The following IRF2 variants were observed in gnomAD, a reference collection of about 807,000 sequenced individuals.
IRF2 encodes the protein interferon regulatory factor 2.
Under a neutral mutation model 40.6 loss-of-function variants are expected in IRF2, and 15 were observed. The ratio of observed to expected loss-of-function variants is 0.37; its 90% CI spans 0.25 to 0.57. The LOEUF (loss-of-function observed/expected upper bound fraction) is 0.57. Among genes scored for constraint, IRF2 ranks in the 20% least tolerant of loss-of-function variants. The pLI is 0.77. For synonymous variants in IRF2, 151 were observed against 165.5 expected (o/e 0.91, Z 0.67); for missense variants, 317 against 455.7 (o/e 0.70, Z 2.77).
In IRF2 at chr4:184,413,209, C is replaced by T. The variant is rs999173736; in HGVS notation, c.412-4934G>A. On this transcript the variant is annotated intron_variant, in intron 5 of 8. Transcript: ENST00000393593. The surrounding 1 kb of genome is among the most constrained non-coding windows in gnomAD (Gnocchi z 4.2). ...TCCTGCCTCCCACTCCTTCCCATCCCGGTGAGAAAGGCCTCCCTTACATAT... is the reference window on the plus strand; with the variant it reads ...TCCTGCCTCCCACTCCTTCCCATCCTGGTGAGAAAGGCCTCCCTTACATAT... 6.6e-6 allele frequency among the ~76,000 whole-genome samples: 1 copy of T among 152,194 alleles called. No individual in the cohort carries two copies. Among genetic ancestry groups the T allele is most frequent in the African/African-American group, 2.4e-5 (1 of 41,452 alleles).
intron 1 of IRF2, among the ~76,000 whole-genome samples, chr4:184,473,543 G>A (rs1739603962): frequency 6.8e-6 from 1 of 147,788 alleles, no homozygotes; most frequent in Non-Finnish European, 1.5e-5. Context: ...GCTGGCCGGC[G>A]GGAAGGAGGA....
At position 184,388,957 on chromosome 4, in the gene IRF2, T is replaced by C. The variant is rs374080567; in HGVS notation, c.851A>G (p.Asn284Ser). Residue 284 changes from asparagine to serine, a missense_variant, in exon 9 of 9, where the codon AAC becomes AGC. Asn to Ser is a conservative substitution (Grantham distance 46). Around this residue, in one of 2 missense-constraint regions of IRF2, gnomAD observed 262 missense variants for 334.0 expected, o/e 0.78. Coordinates refer to ENST00000393593, the MANE Select transcript of IRF2 (RefSeq NM_002199.4). The surrounding 1 kb of genome is among the most constrained non-coding windows in gnomAD (Gnocchi z 4.6). Reference protein sequence around the residue: ...LPGMASFVTSNKPDLQVTIKE... With the variant: ...LPGMASFVTSSKPDLQVTIKE... ...GATGGTGACCTGGAGGTCCGGTTTG[T>C]TGGAAGTGACGAAGGACGCCATGCC... The C allele has an allele frequency of 4.7e-5, 76 of 1,614,180 alleles. 1 individual carries two copies. In the East Asian group the frequency reaches 1.4e-3, roughly 31 times the overall value.
At chr4:184,468,074 G>A (rs1428364908) in intron 1 of IRF2, among the ~76,000 whole-genome samples, 2 of 152,152 alleles carry the variant, frequency 1.3e-5, no homozygotes, top group Non-Finnish European at 2.9e-5. Context: ...ATACTAAACT[G>A]ATAAAGGAGT....
intron 1 of IRF2, among the ~76,000 whole-genome samples, chr4:184,459,799 G>A (rs1232802829): frequency 1.3e-5 from 2 of 152,224 alleles, no homozygotes; most frequent in African/African-American, 2.4e-5. Flanking sequence ...CAAAACCATC[G>A]TGAGCTACCA....
chr4:184,419,944 T>G (rs550845351), intron 2 of IRF2, among the ~76,000 whole-genome samples: 1 of 152,384 alleles, frequency 6.6e-6, no homozygotes, highest in African/African-American at 2.4e-5. Flanking sequence ...ATCGGCTCAC[T>G]ACAACCTCCA....
intron 1 of IRF2, among the ~76,000 whole-genome samples, chr4:184,460,147 T>C (rs1489486004): frequency 6.6e-6 from 1 of 152,208 alleles, no homozygotes; most frequent in African/African-American, 2.4e-5. Context: ...TTACTCAGTC[T>C]TACAGAGGAA....
intron 1 of IRF2, among the ~76,000 whole-genome samples, chr4:184,460,461 A>G (rs1739094263): frequency 6.6e-6 from 1 of 152,256 alleles, no homozygotes; most frequent in Non-Finnish European, 1.5e-5. Flanking sequence ...AGATGATTGT[A>G]ATGGTAAATT....
chr4:184,456,674 G>C (rs1024065723), intron 1 of IRF2, among the ~76,000 whole-genome samples: 5 of 152,258 alleles, frequency 3.3e-5, no homozygotes, highest in Non-Finnish European at 5.9e-5. Flanking sequence ...GAGCCCAGGG[G>C]CACCAATGTC....
intron 2 of IRF2, among the ~76,000 whole-genome samples, chr4:184,422,868 T>C (rs936781454): frequency 6.6e-6 from 1 of 152,200 alleles, no homozygotes; most frequent in African/African-American, 2.4e-5. Context: ...GATAAAAAGT[T>C]CTGGAACTGG....
At chr4:184,400,169 C>G (rs945601422) in intron 6 of IRF2, among the ~76,000 whole-genome samples, 2 of 152,250 alleles carry the variant, frequency 1.3e-5, no homozygotes. Context: ...CGACCAATCT[C>G]TCTCACGTTA....
rs570845166 is a variant in IRF2, at chr4:184,423,265, G to C, written c.88-3697C>G. Among the ~76,000 whole-genome samples, 3 of 152,274 alleles carry C rather than the reference G, an allele frequency of 2.0e-5. No homozygotes were observed. In the South Asian group the frequency reaches 6.2e-4, roughly 32 times the overall value. Reference sequence around the variant, plus strand: ...TGGTACATGCTGTGTATAGACAGACGCGCCATGCCAGGGCCCACCATTTGT... The same window carrying C: ...TGGTACATGCTGTGTATAGACAGACCCGCCATGCCAGGGCCCACCATTTGT... On this transcript the variant is annotated intron_variant, in intron 2 of 8. Coordinates refer to ENST00000393593, the MANE Select transcript of IRF2 (RefSeq NM_002199.4).
At chr4:184,430,644 G>A (rs1418148043) in intron 1 of IRF2, among the ~76,000 whole-genome samples, 1 of 152,170 alleles carries the variant, frequency 6.6e-6, no homozygotes, top group Non-Finnish European at 1.5e-5. Context: ...TCTCAGCTGT[G>A]TATAGTCCAC....
chr4:184,420,119 C>T (rs1737429160), intron 2 of IRF2, among the ~76,000 whole-genome samples: 1 of 152,222 alleles, frequency 6.6e-6, no homozygotes, highest in Admixed American at 6.5e-5. Context: ...CTGCCCACCT[C>T]AGGCTTCCAA....
chr4:184,415,133 A>G (rs1304454495), intron 5 of IRF2, among the ~76,000 whole-genome samples: 1 of 152,264 alleles, frequency 6.6e-6, no homozygotes, highest in East Asian at 1.9e-4. Context: ...CGGGAAGCCC[A>G]CTGGCCTCTT....
At chr4:184,404,675 G>A (rs1434692899) in intron 6 of IRF2, among the ~76,000 whole-genome samples, 3 of 152,210 alleles carry the variant, frequency 2.0e-5, no homozygotes, top group Non-Finnish European at 2.9e-5. Context: ...TTCTAATCTC[G>A]TGCTCTTTCG....
At chr4:184,420,580 C>T (rs920161027) in intron 2 of IRF2, among the ~76,000 whole-genome samples, 9 of 152,096 alleles carry the variant, frequency 5.9e-5, no homozygotes, top group Admixed American at 1.3e-4. Context: ...AACTCAAAAC[C>T]GCCTCAAGCA....
At chr4:184,394,585 C>T (rs1240542465) in intron 7 of IRF2, among the ~76,000 whole-genome samples, 7 of 152,140 alleles carry the variant, frequency 4.6e-5, no homozygotes, top group Middle Eastern at 3.2e-3. Flanking sequence ...GGTGTGGTTT[C>T]CCGAAGGATT....
intron 6 of IRF2, among the ~76,000 whole-genome samples, chr4:184,405,490 A>C (rs1205763239): frequency 2.0e-5 from 3 of 152,228 alleles, no homozygotes; most frequent in Admixed American, 2.0e-4. Context: ...CGTTCAGAGT[A>C]ATTCAAGTTC....
chr4:184,394,811 T>C (rs1736386407), intron 7 of IRF2, among the ~76,000 whole-genome samples: 1 of 152,198 alleles, frequency 6.6e-6, no homozygotes, highest in Non-Finnish European at 1.5e-5. Flanking sequence ...GGTCACTTTG[T>C]AATGCACCTT....
Sources: gnomAD v4.1 joint callset for allele counts (sites outside exome capture counted in the v4.1 genomes callset) on GRCh38, gnomAD v4.1.1 for gene constraint, gnomAD v4.1.1 regional missense constraint, Gnocchi (gnomAD v3.1) non-coding constraint, MANE v1.5 for transcripts, NCBI Gene and HGNC (gene_info 2026-07-23, HGNC 2026-07-21) for gene names.